PCDHGB3: variants seen among roughly 807,000 people sequenced by gnomAD.
The protein encoded by PCDHGB3 is protocadherin gamma subfamily B, 3, also known as protocadherin gamma-B3.
A neutral mutation model predicts 59.2 loss-of-function variants in PCDHGB3; 40 were observed. That is an observed-to-expected ratio of 0.68 (90% CI 0.52 to 0.88). The LOEUF (loss-of-function observed/expected upper bound fraction) is 0.88, where lower values mean the gene tolerates loss of function less well. Among genes scored for constraint, PCDHGB3 ranks in the 40% least tolerant of loss-of-function variants. The probability of loss-of-function intolerance (pLI) is 0.00; values close to 1 mark genes in which losing one functional copy is unlikely to be tolerated. For synonymous variants in PCDHGB3, 581 were observed against 503.6 expected (o/e 1.15, Z -2.06); for missense variants, 1,309 against 1,187.9 (o/e 1.10, Z -1.50).
intron 1 of PCDHGB3, chr5:141,405,210 A>G (rs752645800): frequency 1.2e-6 from 2 of 1,613,994 alleles, no homozygotes; most frequent in South Asian, 1.1e-5. Context: ...CTACAGACCT[A>G]TTCTCAGGAG....
intron 1 of PCDHGB3, among the ~76,000 whole-genome samples, chr5:141,474,448 A>G (rs1350019257): frequency 3.3e-5 from 5 of 152,204 alleles, no homozygotes; most frequent in Non-Finnish European, 5.9e-5. Context: ...GTAGCAAGTG[A>G]TTGGGCTATA....
chr5:141,489,101 T>A lies in PCDHGB3; in HGVS notation c.2416-5706T>A. 2 of 398,380 alleles carry A rather than the reference T, an allele frequency of 5.0e-6. No individual in the cohort carries two copies. Among genetic ancestry groups the A allele is most frequent in the Non-Finnish European group, 9.0e-6 (2 of 223,310 alleles). The allele number at this position is 398,380 out of a possible 1,614,324, so 24.7% of individuals were successfully genotyped here. ...CCGCCACTCGGTGACTAAGAACTGC[T>A]GCAAGCAGGCAAACCTCCGAGCAGT... On this transcript the variant is annotated intron_variant, in intron 1 of 3. Coordinates refer to ENST00000576222, the MANE Select transcript of PCDHGB3 (RefSeq NM_018924.5). This position sits in a 1 kb window ranked among gnomAD's most constrained non-coding sequence, Gnocchi z 4.5.
chr5:141,401,109 C>G (rs1389316272), intron 1 of PCDHGB3, among the ~76,000 whole-genome samples: 2 of 152,012 alleles, frequency 1.3e-5, no homozygotes, highest in African/African-American at 2.4e-5. Flanking sequence ...TTTGGGAGGC[C>G]GAGGCGGTTG....
chr5:141,430,369 A>G (rs564811230), intron 1 of PCDHGB3, among the ~76,000 whole-genome samples: 1 of 151,582 alleles, frequency 6.6e-6, no homozygotes, highest in East Asian at 1.9e-4. Flanking sequence ...ATTGGGGAAA[A>G]AAAAGCTCAT....
At chr5:141,394,530 A>C in intron 1 of PCDHGB3, 1 of 1,614,140 alleles carries the variant, frequency 6.2e-7, no homozygotes, top group African/African-American at 1.3e-5. Flanking sequence ...AGACGGTTCC[A>C]CTGGCGTGGA....
At chr5:141,418,806 C>A in intron 1 of PCDHGB3, 1 of 1,613,696 alleles carries the variant, frequency 6.2e-7, no homozygotes, top group Non-Finnish European at 8.5e-7. Context: ...GAAAGATATA[C>A]GATAAACATA....
chr5:141,427,999 T>A, intron 1 of PCDHGB3: 1 of 1,601,186 alleles, frequency 6.2e-7, no homozygotes, highest in Non-Finnish European at 8.5e-7. Context: ...GGCTCCGCAC[T>A]CTTCGATATA....
chr5:141,461,773 C>T (rs894271810), intron 1 of PCDHGB3, among the ~76,000 whole-genome samples: 3 of 152,108 alleles, frequency 2.0e-5, no homozygotes, highest in Non-Finnish European at 4.4e-5. Context: ...CCTGCCTCAG[C>T]CTCCCAAGTA....
At chr5:141,408,303 G>A in intron 1 of PCDHGB3, 3 of 1,613,794 alleles carry the variant, frequency 1.9e-6, no homozygotes, top group Non-Finnish European at 2.5e-6. Flanking sequence ...GAGCCGATCC[G>A]CTACTCGATT....
intron 1 of PCDHGB3, among the ~76,000 whole-genome samples, chr5:141,448,842 G>A (rs943887884): frequency 6.6e-6 from 1 of 152,182 alleles, no homozygotes; most frequent in Non-Finnish European, 1.5e-5. Context: ...CTACTCTGGA[G>A]GCTGAGGCAG....
Position 141,393,951 on chromosome 5 carries a change from G to A in PCDHGB3, c.2415+21142G>A, listed in dbSNP as rs778713382. The A allele has an allele frequency of 6.4e-5, 104 of 1,613,726 alleles. No homozygotes were observed. The highest frequency in any genetic ancestry group is 1.6e-4 in the Middle Eastern group (1 of 6,084). ...GCATGACCAAGACTCTGGAAAGAAT[G>A]GTCAAGTTGTCTGTTACACACGTGA... On this transcript the variant is annotated intron_variant, in intron 1 of 3. Transcript: ENST00000576222.
intron 1 of PCDHGB3, chr5:141,428,158 G>A: frequency 6.3e-7 from 1 of 1,577,728 alleles, no homozygotes; most frequent in Non-Finnish European, 8.7e-7. Context: ...GGAACCTGCT[G>A]GTTGCTGTGC....
At chr5:141,464,982 T>A (rs914697541) in intron 1 of PCDHGB3, among the ~76,000 whole-genome samples, 1 of 152,030 alleles carries the variant, frequency 6.6e-6, no homozygotes, top group Non-Finnish European at 1.5e-5. Context: ...CTTCAAGTGA[T>A]CCTCCCACCT....
chr5:141,405,609 G>A, intron 1 of PCDHGB3: 1 of 562,334 alleles, frequency 1.8e-6, no homozygotes. Context: ...AGAATAACTG[G>A]GACTACAGGC....
chr5:141,378,581 G>A (rs17524659), intron 1 of PCDHGB3: 5,512 of 152,208 alleles, frequency 0.036, 128 homozygotes, highest in South Asian at 0.08. Flanking sequence ...AAACATGCTC[G>A]GTAGTGTCTG....
At chr5:141,385,088 G>A in intron 1 of PCDHGB3, 2 of 1,614,226 alleles carry the variant, frequency 1.2e-6, no homozygotes, top group Non-Finnish European at 1.7e-6. Flanking sequence ...GCTTCAGAAG[G>A]TGGCTTGGCG....
At chr5:141,374,071 T>C (rs1443520558) in intron 1 of PCDHGB3, 3 of 1,507,898 alleles carry the variant, frequency 2.0e-6, no homozygotes, top group Non-Finnish European at 2.7e-6. Flanking sequence ...GAGAAGTTCC[T>C]AATAAGCCAG....
At chr5:141,461,799 G>T (rs1025237561) in intron 1 of PCDHGB3, among the ~76,000 whole-genome samples, 5 of 151,188 alleles carry the variant, frequency 3.3e-5, no homozygotes, top group Admixed American at 1.3e-4. Context: ...GATTACAGGT[G>T]CCCACCACCA....
At chr5:141,438,649 CACATATATGTAT>C (rs1346265042) in intron 1 of PCDHGB3, among the ~76,000 whole-genome samples, 20 of 100,970 alleles carry the variant, frequency 2.0e-4, no homozygotes, top group Admixed American at 2.1e-4. Flanking sequence ...CACACACACA[CACATATATGTAT>C]ATATATATTT....
Sources: gnomAD v4.1 joint callset for allele counts (sites outside exome capture counted in the v4.1 genomes callset) on GRCh38, gnomAD v4.1.1 for gene constraint, Gnocchi (gnomAD v3.1) non-coding constraint, MANE v1.5 for transcripts, NCBI Gene and HGNC (gene_info 2026-07-23, HGNC 2026-07-21) for gene names.